PPP1R1C: variants seen among roughly 807,000 people sequenced by gnomAD.
PPP1R1C encodes protein phosphatase 1 regulatory subunit 1C.
A neutral mutation model predicts 17.4 loss-of-function variants in PPP1R1C; 15 were observed. That is an observed-to-expected ratio of 0.86 (90% CI 0.58 to 1.33). PPP1R1C has a LOEUF of 1.33. Among genes scored for constraint, PPP1R1C ranks in the 40% most tolerant of loss-of-function variants. The pLI is 0.00. For synonymous variants in PPP1R1C, 35 were observed against 43.1 expected (o/e 0.81, Z 0.73); for missense variants, 143 against 130.0 (o/e 1.10, Z -0.48).
chr2:182,095,922 C>T lies in PPP1R1C; in HGVS notation c.242-21285C>T, dbSNP rs185008337. ...TCCAGGAGGTGGAGATTACAGTGAG[C>T]CAAGATCGCGCCACTGCACTCCAGC... On this transcript the variant is annotated intron_variant, in intron 4 of 4. Coordinates refer to ENST00000682840, the MANE Select transcript of PPP1R1C (RefSeq NM_001080545.3). Among the ~76,000 whole-genome samples, 167 of 151,702 alleles carry T rather than the reference C, an allele frequency of 1.1e-3. 3 individuals are homozygous for T. The highest frequency in any genetic ancestry group is 8.7e-3 in the Admixed American group (132 of 15,218).
At chr2:181,995,290 G>A (rs1020286585) in intron 2 of PPP1R1C, among the ~76,000 whole-genome samples, 10 of 152,136 alleles carry the variant, frequency 6.6e-5, no homozygotes, top group Admixed American at 5.2e-4. Flanking sequence ...ACTTTGGGGA[G>A]GCAGACATGT....
chr2:182,122,335 CT>C (rs926754021), downstream of PPP1R1C, among the ~76,000 whole-genome samples: 8 of 151,820 alleles, frequency 5.3e-5, no homozygotes, highest in Admixed American at 1.3e-4. Context: ...AGGAAAAATC[CT>C]TTTTTTTATA....
intron 4 of PPP1R1C, among the ~76,000 whole-genome samples, chr2:182,080,592 CTA>C (rs1688446750): frequency 1.3e-5 from 2 of 152,280 alleles, no homozygotes; most frequent in South Asian, 4.2e-4. Context: ...AGAAACAGAA[CTA>C]TATTTCCTCT....
chr2:182,100,763 C>A (rs531574166), intron 4 of PPP1R1C, among the ~76,000 whole-genome samples: 1 of 152,296 alleles, frequency 6.6e-6, no homozygotes, highest in South Asian at 2.1e-4. Context: ...CCAGCTGCTG[C>A]CACCTTAAGT....
intron 2 of PPP1R1C, among the ~76,000 whole-genome samples, chr2:182,025,476 G>A (rs1160900819): frequency 7.7e-6 from 1 of 130,194 alleles, no homozygotes; most frequent in Admixed American, 8.3e-5. Context: ...TTTTGTTCTT[G>A]CGATAGTTTA....
At chr2:182,041,343 T>A (rs1574403576) in intron 2 of PPP1R1C, among the ~76,000 whole-genome samples, 1 of 152,182 alleles carries the variant, frequency 6.6e-6, no homozygotes, top group East Asian at 1.9e-4. Flanking sequence ...GCGTGGTAGC[T>A]CACGCCTGTA....
At chr2:182,100,447 T>G (rs1474276610) in intron 4 of PPP1R1C, among the ~76,000 whole-genome samples, 2 of 150,586 alleles carry the variant, frequency 1.3e-5, no homozygotes, top group Non-Finnish European at 3.0e-5. Flanking sequence ...GAGGTGGAGG[T>G]TGCAGTGAGC....
rs550782241 is a variant in PPP1R1C at position 182,106,737 on chromosome 2, C to CAACTAAAA, written c.242-10457_242-10450dup. Among the ~76,000 whole-genome samples the CAACTAAAA allele has an allele frequency of 1.8e-4, 27 of 152,256 alleles. 1 individual carries two copies. In the South Asian group the frequency reaches 3.5e-3, roughly 20 times the overall value. On this transcript the variant is annotated intron_variant, in intron 4 of 4. Transcript: ENST00000682840. Reference sequence around the variant, plus strand: ...TAACACAAGCCACCTGCAGACAGCACAACTAAAAAACTAAAAAACTGAAAA... The same window carrying CAACTAAAA: ...TAACACAAGCCACCTGCAGACAGCACAACTAAAAAACTAAAAAACTAAAAAACTGAAAA...
At chr2:182,105,631 A>C (rs1275888442) in intron 4 of PPP1R1C, among the ~76,000 whole-genome samples, 1 of 152,208 alleles carries the variant, frequency 6.6e-6, no homozygotes, top group Non-Finnish European at 1.5e-5. Context: ...TATAATCTCC[A>C]GAGAATTTGA....
intron 4 of PPP1R1C, among the ~76,000 whole-genome samples, chr2:182,068,765 G>A (rs1688062329): frequency 1.3e-5 from 2 of 152,240 alleles, no homozygotes; most frequent in Non-Finnish European, 1.5e-5. Flanking sequence ...TTGAATTTTG[G>A]GGTGCTATAG....
intron 2 of PPP1R1C, among the ~76,000 whole-genome samples, chr2:182,041,453 A>G (rs1219164791): frequency 1.3e-5 from 2 of 152,014 alleles, no homozygotes; most frequent in Non-Finnish European, 2.9e-5. Context: ...TACTAAAAAT[A>G]CAAAAATTAG....
chr2:182,019,898 T>C (rs1686366642), intron 2 of PPP1R1C, among the ~76,000 whole-genome samples: 1 of 152,172 alleles, frequency 6.6e-6, no homozygotes, highest in South Asian at 2.1e-4. Flanking sequence ...TGATGAAGTG[T>C]TCTTCAGAGT....
chr2:181,962,182 C>A lies in PPP1R1C; in HGVS notation n.111+7548C>A, dbSNP rs1030506435. The A allele has an allele frequency of 3.8e-5, 28 of 742,036 alleles. No homozygotes were observed. The highest frequency in any genetic ancestry group is 6.2e-5 in the Non-Finnish European group (25 of 406,288). 46.0% of individuals were successfully genotyped at this position (742,036 alleles called of 1,614,324 possible). On this transcript the variant is annotated intron_variant and non_coding_transcript_variant, in intron 1 of 5. Transcript: ENST00000464264. The surrounding 1 kb of genome is among the most constrained non-coding windows in gnomAD (Gnocchi z 6.0). Reference sequence around the variant, plus strand: ...GCTTCCGGTTCTTGGTCTCCAGGCTCCTCACTCTGTCCAGGTAGGAGGCCA... The same window carrying A: ...GCTTCCGGTTCTTGGTCTCCAGGCTACTCACTCTGTCCAGGTAGGAGGCCA...
intron 2 of PPP1R1C, among the ~76,000 whole-genome samples, chr2:182,056,156 A>T (rs1245378382): frequency 6.6e-6 from 1 of 152,200 alleles, no homozygotes; most frequent in Non-Finnish European, 1.5e-5. Flanking sequence ...AGATACACAG[A>T]TGAGTGCCTT....
intron 2 of PPP1R1C, among the ~76,000 whole-genome samples, chr2:182,048,432 A>G (rs1559071343): frequency 6.6e-6 from 1 of 152,234 alleles, no homozygotes; most frequent in Non-Finnish European, 1.5e-5. Flanking sequence ...GGAGATTTTC[A>G]TAGCCCTATT....
chr2:181,997,331 A>T (rs2125146542), intron 2 of PPP1R1C, among the ~76,000 whole-genome samples: 1 of 152,140 alleles, frequency 6.6e-6, no homozygotes, highest in East Asian at 1.9e-4. Context: ...ACTGTATGTA[A>T]AAAAAAGACC....
intron 4 of PPP1R1C, among the ~76,000 whole-genome samples, chr2:182,111,960 T>C (rs1362275825): frequency 2.0e-5 from 3 of 152,166 alleles, no homozygotes; most frequent in African/African-American, 7.2e-5. Flanking sequence ...TCCCATAATC[T>C]AATGAGTATG....
rs1022461264 is a variant in PPP1R1C, at chr2:182,009,602, C to A, written c.142+21703C>A. 3.3e-5 allele frequency among the ~76,000 whole-genome samples: 5 copies of A among 151,988 alleles called. No individual in the cohort carries two copies. The East Asian group carries it at 9.6e-4, about 29-fold the overall frequency. ...TGTCTATTCACTTTGTTTGTTGTAT[C>A]CTTTGCTGTGCAGAAGCTTTCTAAC... On this transcript the variant is annotated intron_variant, in intron 2 of 4. Transcript: ENST00000682840.
intron 2 of PPP1R1C, chr2:182,048,697 C>T (rs1394646339): frequency 6.6e-6 from 1 of 152,154 alleles, no homozygotes; most frequent in Non-Finnish European, 1.5e-5. Flanking sequence ...GATCTAAAGC[C>T]TTCTATGGAA....
Sources: allele counts gnomAD v4.1 joint callset (sites outside exome capture counted in the v4.1 genomes callset), GRCh38; gene constraint gnomAD v4.1.1; non-coding constraint Gnocchi (gnomAD v3.1); transcripts MANE v1.5; gene names NCBI Gene and HGNC (gene_info 2026-07-23, HGNC 2026-07-21).